ROR1: variants seen among roughly 807,000 people sequenced by gnomAD.
ROR1 encodes the protein inactive tyrosine-protein kinase transmembrane receptor ROR1.
In ROR1, 19 loss-of-function variants were observed where a neutral mutation model predicts 78.8. The observed-to-expected ratio is 0.24, with a 90% confidence interval of 0.17 to 0.35. The LOEUF is 0.35. ROR1 is among the 10% of genes least tolerant of loss of function. ROR1 has a pLI of 1.00. For synonymous variants in ROR1, 386 were observed against 433.6 expected (o/e 0.89, Z 1.36); for missense variants, 917 against 1,177.8 (o/e 0.78, Z 3.24).
intron 1 of ROR1, chr1:63,843,161 A>T (rs1016227880): frequency 2.0e-6 from 2 of 995,062 alleles, no homozygotes; most frequent in Admixed American, 1.9e-5. Context: ...TGGGGCTGCC[A>T]GATGCTCCAG....
intron 1 of ROR1, among the ~76,000 whole-genome samples, chr1:63,784,616 G>A (rs1243244266): frequency 6.6e-6 from 1 of 152,228 alleles, no homozygotes; most frequent in Non-Finnish European, 1.5e-5. Context: ...AGAGGAGCCA[G>A]GAAGAGAAGG....
At chr1:63,930,514 A>C (rs1645743130) in intron 1 of ROR1, among the ~76,000 whole-genome samples, 1 of 152,188 alleles carries the variant, frequency 6.6e-6, no homozygotes, top group African/African-American at 2.4e-5. Context: ...TAATATTCTG[A>C]TATCAGGGTT....
chr1:64,057,474 A>G (rs1356219837), intron 4 of ROR1, among the ~76,000 whole-genome samples: 2 of 152,208 alleles, frequency 1.3e-5, no homozygotes, highest in Non-Finnish European at 2.9e-5. Context: ...GATATATTAC[A>G]AAGAATTTGC....
chr1:64,067,749 G>C (rs1252142370), intron 4 of ROR1, among the ~76,000 whole-genome samples: 1 of 118,772 alleles, frequency 8.4e-6, no homozygotes, highest in African/African-American at 3.4e-5. Context: ...GTCTCGCTCT[G>C]TCACCGAGGC....
chr1:63,957,183 A>G (rs1645990128), intron 1 of ROR1, among the ~76,000 whole-genome samples: 1 of 152,130 alleles, frequency 6.6e-6, no homozygotes. Context: ...CTCCTTCTGC[A>G]TTTTCCTGAG....
intron 1 of ROR1, among the ~76,000 whole-genome samples, chr1:63,976,390 G>A (rs1206167453): frequency 6.6e-6 from 1 of 152,166 alleles, no homozygotes; most frequent in Non-Finnish European, 1.5e-5. Context: ...TGAAAGTGGT[G>A]ATTTCAGAAA....
rs367942274 is a variant in ROR1, at chr1:64,152,245, C to A, written c.1175-6736C>A. 3.5e-4 allele frequency among the ~76,000 whole-genome samples: 53 copies of A among 152,316 alleles called. 3 individuals are homozygous for A. In the South Asian group the frequency reaches 4.8e-3, roughly 14 times the overall value. On this transcript the variant is annotated intron_variant, in intron 7 of 8. Transcript: ENST00000371079. ...ATTTGAAGACATATGTCACATCCTT[C>A]ATTTGATTTTCTCTTTGGCCTAAAG...
intron 4 of ROR1, among the ~76,000 whole-genome samples, chr1:64,124,380 C>T (rs1181154606): frequency 6.6e-6 from 1 of 151,852 alleles, no homozygotes; most frequent in African/African-American, 2.4e-5. Context: ...CTTTTTCTCC[C>T]TTCTTCCCTT....
intron 4 of ROR1, among the ~76,000 whole-genome samples, chr1:64,083,566 G>A (rs1381336474): frequency 8.3e-6 from 1 of 120,896 alleles, no homozygotes; most frequent in East Asian, 2.1e-4. Flanking sequence ...TTCCAGAAGA[G>A]GGCTTTAAAG....
At chr1:64,173,572 G>A (rs1324966019) in intron 8 of ROR1, among the ~76,000 whole-genome samples, 1 of 152,178 alleles carries the variant, frequency 6.6e-6, no homozygotes, top group Non-Finnish European at 1.5e-5. Flanking sequence ...AGAGAGCCTT[G>A]GAGTTGCAAG....
At chr1:64,070,148 A>T (rs574570450) in intron 4 of ROR1, among the ~76,000 whole-genome samples, 7 of 152,186 alleles carry the variant, frequency 4.6e-5, no homozygotes, top group Admixed American at 3.3e-4. Flanking sequence ...CATACACAGT[A>T]TGTGGCCTTT....
intron 7 of ROR1, among the ~76,000 whole-genome samples, chr1:64,152,717 G>A (rs967293934): frequency 1.3e-5 from 2 of 152,046 alleles, no homozygotes; most frequent in East Asian, 1.9e-4. Flanking sequence ...TGTCGAGTAC[G>A]ATCCTCTAAA....
intron 4 of ROR1, among the ~76,000 whole-genome samples, chr1:64,103,284 A>T (rs536643160): frequency 1.3e-5 from 2 of 152,172 alleles, no homozygotes; most frequent in East Asian, 3.9e-4. Flanking sequence ...CGTTGTGCAC[A>T]TGTACCCTAA....
chr1:64,007,099 T>G (rs938834445), intron 1 of ROR1, among the ~76,000 whole-genome samples: 10 of 152,138 alleles, frequency 6.6e-5, no homozygotes, highest in Admixed American at 3.3e-4. Context: ...TGTGGAGTGC[T>G]AGAGTCAAAG....
At position 63,841,375 on chromosome 1, in the gene ROR1, A is replaced by G. The variant is rs547346185; in HGVS notation, c.91+66867A>G. 2.2e-3 allele frequency among the ~76,000 whole-genome samples: 334 copies of G among 152,360 alleles called. 2 individuals carry two copies. Among genetic ancestry groups the G allele is most frequent in the African/African-American group, 7.7e-3 (322 of 41,578 alleles). On this transcript the variant is annotated intron_variant, in intron 1 of 8. Transcript: ENST00000371079. ...CAGATTTCAGCACTGTTCCTTAAAC[A>G]TAGTAGGTCCTCAGTAAGTTTTTTG...
At chr1:63,814,604 G>T (rs1357966172) in intron 1 of ROR1, among the ~76,000 whole-genome samples, 1 of 151,914 alleles carries the variant, frequency 6.6e-6, no homozygotes, top group South Asian at 2.1e-4. Flanking sequence ...ATCTGGGGGT[G>T]ATGGGAGACA....
At chr1:63,948,887 C>T (rs1320638285) in intron 1 of ROR1, among the ~76,000 whole-genome samples, 2 of 152,158 alleles carry the variant, frequency 1.3e-5, no homozygotes, top group African/African-American at 4.8e-5. Context: ...ACTTCCCAGG[C>T]TCCAAAACTG....
intron 8 of ROR1, among the ~76,000 whole-genome samples, chr1:64,173,590 C>T (rs1650298717): frequency 1.3e-5 from 2 of 152,200 alleles, no homozygotes; most frequent in Admixed American, 1.3e-4. Flanking sequence ...AAGTGTGGCT[C>T]TTTCGGCTCT....
chr1:64,079,520 G>A (rs1408422982), intron 4 of ROR1, among the ~76,000 whole-genome samples: 2 of 150,530 alleles, frequency 1.3e-5, no homozygotes, highest in African/African-American at 2.4e-5. Context: ...TTGCCAGGCT[G>A]GAGTACAGTG....
Sources: gnomAD v4.1 joint callset for allele counts (sites outside exome capture counted in the v4.1 genomes callset) on GRCh38, gnomAD v4.1.1 for gene constraint, MANE v1.5 for transcripts, NCBI Gene and HGNC (gene_info 2026-07-23, HGNC 2026-07-21) for gene names.